Variants in AKAP9 observed in about 807,000 individuals in gnomAD.
AKAP9 encodes the protein A-kinase anchoring protein 9.
In AKAP9, 311 loss-of-function variants were observed where a neutral mutation model predicts 488.5. That is an observed-to-expected ratio of 0.64 (90% CI 0.58 to 0.70). The LOEUF (loss-of-function observed/expected upper bound fraction) is 0.70, where lower values mean the gene tolerates loss of function less well. AKAP9 is among the 30% of genes least tolerant of loss of function. The pLI, the probability that AKAP9 is intolerant of heterozygous loss-of-function variation, is 0.00. For synonymous variants in AKAP9, 1,462 were observed against 1,483.5 expected, an observed-to-expected ratio of 0.99 and a Z score of 0.33; for missense variants, 4,215 against 4,374.5, an observed-to-expected ratio of 0.96 and a Z score of 1.03.
At position 92,001,169 on chromosome 7, in the gene AKAP9, A is replaced by G. The variant is rs766537510; in HGVS notation, c.1252A>G (p.Ile418Val). 2.0e-5 allele frequency: 32 copies of G among 1,613,924 alleles called. No individual in the cohort carries two copies. Among genetic ancestry groups the G allele is most frequent in the Non-Finnish European group, 2.6e-5 (31 of 1,179,950 alleles). The change falls in exon 8 of 50, where the codon ATA becomes GTA. Residue 418 changes from isoleucine (I) to valine (V), a missense_variant. Around this residue, in one of 5 missense-constraint regions of AKAP9, gnomAD observed 2,361 missense variants for 2,430.0 expected, o/e 0.97. Coordinates refer to ENST00000356239, the MANE Select transcript of AKAP9 (RefSeq NM_005751.5). Reference sequence around the variant, plus strand: ...TAAAGACAGCCAGTTCGAAACTGATATAGTACAACGAATGGAACAAGAAAC... The same window carrying G: ...TAAAGACAGCCAGTTCGAAACTGATGTAGTACAACGAATGGAACAAGAAAC... ...NHKDSQFETD[I>V]VQRMEQETQR...
intron 14 of AKAP9, among the ~76,000 whole-genome samples, chr7:92,026,940 G>A (rs1290737614): frequency 4.3e-5 from 6 of 139,438 alleles, no homozygotes; most frequent in East Asian, 2.2e-4. Flanking sequence ...GCCTCTGCCC[G>A]GCCGCCCTGT....
chr7:92,017,861 G>T (rs1801741474), intron 12 of AKAP9, among the ~76,000 whole-genome samples: 1 of 151,918 alleles, frequency 6.6e-6, no homozygotes, highest in African/African-American at 2.4e-5. Flanking sequence ...ACCTTATCTA[G>T]CCTTTCCAAA....
rs1184168964 is a variant in AKAP9 at position 92,110,268 on chromosome 7, A to G, written c.*109A>G. 1.1e-6 allele frequency: 1 copy of G among 876,918 alleles called. No individual in the cohort carries two copies. Among genetic ancestry groups the G allele is most frequent in the African/African-American group, 1.7e-5 (1 of 60,320 alleles). 54.3% of individuals were successfully genotyped at this position (876,918 alleles called of 1,614,324 possible). A position where few individuals can be genotyped will look rare whatever the true frequency, so the allele number is the denominator to read the frequency against. ...AATATTCAATGGGACCAATATGAAC[A>G]CAGCTTATGATTGTATACAAATCCC... On this transcript the variant is annotated 3_prime_UTR_variant, in exon 50 of 50. Coordinates refer to ENST00000356239, the MANE Select transcript of AKAP9 (RefSeq NM_005751.5).
intron 3 of AKAP9, among the ~76,000 whole-genome samples, chr7:91,983,495 A>G (rs944144779): frequency 2.6e-5 from 4 of 152,204 alleles, no homozygotes; most frequent in Non-Finnish European, 4.4e-5. Flanking sequence ...TATTGTGAAT[A>G]GTGCCGCAAT....
chr7:92,040,847 CCA>C lies in AKAP9; in HGVS notation c.4867_4868del (p.Gln1623GlyfsTer8). Reference sequence around the variant, plus strand: ...GGCAAATGGAGAGACAGCGAGAAGACCAGGAACAGCTACAAGAAGAGATTAAG... The same window carrying C: ...GGCAAATGGAGAGACAGCGAGAAGACGGAACAGCTACAAGAAGAGATTAAG... The part of the protein sequence containing the change: ...MRQMERQRED[Q>X]EQLQEEIKRL... On this transcript the variant is annotated frameshift_variant, in exon 18 of 50. Transcript: ENST00000356239. LOFTEE classifies it high-confidence loss of function. 1 of 1,613,790 alleles carries C rather than the reference CCA, an allele frequency of 6.2e-7. No individual in the cohort carries two copies.
chr7:91,961,202 C>G (rs921258335), intron 1 of AKAP9, among the ~76,000 whole-genome samples: 1 of 151,880 alleles, frequency 6.6e-6, no homozygotes. Flanking sequence ...CTCTGTTGCC[C>G]AGGCTGGAGT....
Position 92,079,512 on chromosome 7 carries a change from A to G in AKAP9, c.7379A>G (p.Lys2460Arg). 6.2e-7 allele frequency: 1 copy of G among 1,613,964 alleles called. No homozygotes were observed. Among genetic ancestry groups the G allele is most frequent in the Non-Finnish European group, 8.5e-7 (1 of 1,180,010 alleles). ...AACGTGGCTATAGATCATCTGAGCAAAGACAAACCTGAACTAGAAGTAGTC... is the reference window on the plus strand; with the variant it reads ...AACGTGGCTATAGATCATCTGAGCAGAGACAAACCTGAACTAGAAGTAGTC... ...SVNVAIDHLS[K>R]DKPELEVVLT... Residue 2460 changes from lysine (K) to arginine (R), a missense_variant, in exon 31 of 50, where the codon AAA (lysine) becomes AGA (arginine). By Grantham distance (26) the Lys-to-Arg change is conservative. This residue lies in a region of AKAP9 where 1,476 missense variants were observed against 1,477.4 expected (regional missense o/e 1.00). Coordinates refer to ENST00000356239, the MANE Select transcript of AKAP9 (RefSeq NM_005751.5).
chr7:92,080,216 A>G, intron 31 of AKAP9, 64 bp downstream of exon 31: 1 of 1,231,314 alleles, frequency 8.1e-7, no homozygotes, highest in Non-Finnish European at 1.1e-6. Flanking sequence ...TTGCTAATTT[A>G]CTAAATATGG....
chr7:92,058,760 A>G (rs751730257), intron 22 of AKAP9, among the ~76,000 whole-genome samples: 4 of 152,068 alleles, frequency 2.6e-5, no homozygotes, highest in African/African-American at 4.8e-5. Flanking sequence ...CTTATAAGAC[A>G]GCTAAGTGAA....
chr7:92,076,887 T>C lies in AKAP9; in HGVS notation c.6645T>C (p.Phe2215=). The part of the protein sequence containing the change: ...ITNLEEQLEQ[F]REELENKNEE... ...ACTTAGAAGAGCAATTAGAACAGTT[T>C]AGAGAAGAACTGGAAAATAAGAATG... Residue 2215 remains phenylalanine, a synonymous_variant, in exon 29 of 50, where the codon TTT becomes TTC. Transcript: ENST00000356239. 6.7e-7 allele frequency: 1 copy of C among 1,500,332 alleles called. No individual in the cohort carries two copies. Among genetic ancestry groups the C allele is most frequent in the Non-Finnish European group, 9.1e-7 (1 of 1,093,376 alleles). The allele number at this position is 1,500,332 out of a possible 1,614,324, so 92.9% of individuals were successfully genotyped here. A position where few individuals can be genotyped will look rare whatever the true frequency, so the allele number is the denominator to read the frequency against.
intron 14 of AKAP9, 119 bp downstream of exon 14, chr7:92,023,128 T>A (rs1296794157): frequency 5.8e-5 from 59 of 1,024,296 alleles, no homozygotes; most frequent in Admixed American, 1.1e-4. Context: ...AGAGATAGGA[T>A]GTAGCATTTT....
chr7:92,105,876 A>T, intron 47 of AKAP9, 113 bp downstream of exon 47: 4 of 944,256 alleles, frequency 4.2e-6, no homozygotes, highest in Non-Finnish European at 6.8e-6. Flanking sequence ...CAGGCCGCAC[A>T]GCAGCAGGTG....
chr7:92,022,360 T>C lies in AKAP9; in HGVS notation c.3952+8T>C. On this transcript the variant is annotated splice_region_variant and intron_variant, in intron 13 of 49. Transcript: ENST00000356239. ...CCAATTTGGAAGACATTGGTAAATT[T>C]TGATCATATACCACAATGTGGTGTT... The C allele has an allele frequency of 5.2e-6, 8 of 1,547,372 alleles. No homozygotes were observed. The highest frequency in any genetic ancestry group is 7.1e-6 in the Non-Finnish European group (8 of 1,119,522).
Position 92,085,534 on chromosome 7 carries a change from C to A in AKAP9, c.8872C>A (p.Leu2958Ile). The A allele has an allele frequency of 6.2e-7, 1 of 1,614,062 alleles. No individual in the cohort carries two copies. Among genetic ancestry groups the A allele is most frequent in the Non-Finnish European group, 8.5e-7 (1 of 1,180,000 alleles). Residue 2958 changes from leucine to isoleucine, a missense_variant, in exon 36 of 50, where the codon CTT (leucine) becomes ATT (isoleucine). This residue lies in a region of AKAP9 where 1,476 missense variants were observed against 1,477.4 expected (regional missense o/e 1.00). Coordinates refer to ENST00000356239, the MANE Select transcript of AKAP9 (RefSeq NM_005751.5). ...RAVHNEGMQV[L>I]SLTESPYSDG... ...TGTCCATAATGAAGGCATGCAGGTG[C>A]TTTCTCTCACTGAGTCTCCCTATAG...
At position 92,093,326 on chromosome 7, in the gene AKAP9, G is replaced by C. The variant is rs1483316084; in HGVS notation, c.9578+10G>C. 2 of 1,612,488 alleles carry C rather than the reference G, an allele frequency of 1.2e-6. No homozygotes were observed. Among genetic ancestry groups the C allele is most frequent in the African/African-American group, 2.7e-5 (2 of 74,902 alleles). ...AATTGGAGGCTTTCAGGTGTGCCAG[G>C]CTTCCTTATTAAAAACATGTAACAA... On this transcript the variant is annotated intron_variant, in intron 39 of 49. Transcript: ENST00000356239.
intron 3 of AKAP9, among the ~76,000 whole-genome samples, chr7:91,986,231 C>A (rs900396875): frequency 3.6e-4 from 55 of 152,290 alleles, no homozygotes; most frequent in African/African-American, 1.3e-3. Context: ...TCCTGGTCTG[C>A]CAGTTTCTGA....
chr7:92,038,675 A>T lies in AKAP9; in HGVS notation c.4595A>T (p.Asn1532Ile). 1 of 1,610,216 alleles carries T rather than the reference A, an allele frequency of 6.2e-7. No individual in the cohort carries two copies. The highest frequency in any genetic ancestry group is 2.2e-5 in the East Asian group (1 of 44,794). Residue 1532 changes from asparagine to isoleucine, a missense_variant, in exon 17 of 50, where the codon AAT becomes ATT. Coordinates refer to ENST00000356239, the MANE Select transcript of AKAP9 (RefSeq NM_005751.5). ...CATGGAAAGGAAATTTTATTATCAAATAGTGATCCCCATGATATACCAGAA... is the reference window on the plus strand; with the variant it reads ...CATGGAAAGGAAATTTTATTATCAATTAGTGATCCCCATGATATACCAGAA... The part of the protein sequence containing the change: ...GEHGKEILLS[N>I]SDPHDIPESK...
chr7:92,103,657 T>C (rs575796822), intron 46 of AKAP9, among the ~76,000 whole-genome samples: 1 of 147,592 alleles, frequency 6.8e-6, no homozygotes, highest in South Asian at 2.1e-4. Flanking sequence ...ATCGCGCCAC[T>C]GCACTCCAGC....
At position 92,083,571 on chromosome 7, in the gene AKAP9, G is replaced by T; in HGVS notation, c.8562G>T (p.Lys2854Asn). The T allele has an allele frequency of 6.2e-7, 1 of 1,602,886 alleles. No individual in the cohort carries two copies. Among genetic ancestry groups the T allele is most frequent in the South Asian group, 1.1e-5 (1 of 88,686 alleles). The change falls in exon 33 of 50, where the codon AAG becomes AAT. Residue 2854 changes from lysine (K) to asparagine (N), a missense_variant. Transcript: ENST00000356239. ...ATATTTCAGAAACTGAAACCTTAAA[G>T]AGGGAACACTATGTTGCCGTTCAGT... Reference protein sequence around the residue: ...SRHISETETLKREHYVAVQLL... With the variant: ...SRHISETETLNREHYVAVQLL...
Sources: allele counts gnomAD v4.1 joint callset (sites outside exome capture counted in the v4.1 genomes callset), GRCh38; gene constraint gnomAD v4.1.1; regional missense constraint gnomAD v4.1.1; transcripts MANE v1.5; gene names NCBI Gene and HGNC (gene_info 2026-07-23, HGNC 2026-07-21).